Variants in BRD9 observed in about 807,000 individuals in gnomAD.
The protein encoded by BRD9 is bromodomain containing 9, also known as bromodomain-containing protein 9.
Under a neutral mutation model 68.7 loss-of-function variants are expected in BRD9, and 47 were observed. The ratio of observed to expected loss-of-function variants is 0.68; its 90% CI spans 0.54 to 0.87. BRD9 has a LOEUF of 0.87. Among genes scored for constraint, BRD9 ranks in the 40% least tolerant of loss-of-function variants. The probability of loss-of-function intolerance (pLI) is 0.00; values close to 1 mark genes in which losing one functional copy is unlikely to be tolerated. For synonymous variants in BRD9, 313 were observed against 293.9 expected, an observed-to-expected ratio of 1.06 and a Z score of -0.67; for missense variants, 670 against 748.4, an observed-to-expected ratio of 0.90 and a Z score of 1.22.
intron 5 of BRD9, 124 bp from the exon 6 acceptor site, chr5:887,595 C>T: frequency 1.3e-6 from 1 of 747,792 alleles, no homozygotes; most frequent in South Asian, 1.5e-5. Flanking sequence ...TTCAACTGGG[C>T]TCTCTGATCT....
At chr5:891,402 G>T in intron 2 of BRD9, 115 bp from the exon 3 acceptor site, 1 of 1,423,456 alleles carries the variant, frequency 7.0e-7, no homozygotes, top group South Asian at 1.5e-5. Context: ...AACCCCCTCC[G>T]AGATCCTCCT....
At chr5:866,851 CAG>C (rs907507756) in intron 14 of BRD9, among the ~76,000 whole-genome samples, 2 of 152,144 alleles carry the variant, frequency 1.3e-5, no homozygotes, top group African/African-American at 4.8e-5. Flanking sequence ...AAAAGGGAAG[CAG>C]AGAGTAAAAG....
At chr5:892,313 GAGCTCCACACAAA>G in intron 1 of BRD9, 1 of 595,248 alleles carries the variant, frequency 1.7e-6, no homozygotes, top group Non-Finnish European at 2.7e-6. Flanking sequence ...GCTTCTCCCT[GAGCTCCACACAAA>G]AGCCAGCACA....
At chr5:884,921 C>A (rs1359494149) in intron 7 of BRD9, among the ~76,000 whole-genome samples, 2 of 152,238 alleles carry the variant, frequency 1.3e-5, no homozygotes, top group African/African-American at 4.8e-5. Context: ...GGCACGCTCT[C>A]CTGCCTGCAG....
chr5:869,490 C>A, intron 14 of BRD9: 1 of 394,622 alleles, frequency 2.5e-6, no homozygotes, highest in South Asian at 1.9e-5. Context: ...AATCTACATT[C>A]TGTAGAGAAT....
In BRD9 at chr5:892,711, CGG is replaced by C; in HGVS notation, c.-56_-55del. Reference sequence around the variant, plus strand: ...GGGCTGGGAACAGCTGGCACCCGGTCGGACCTTGGCCGCCACCGCCCCCTGGC... The same window carrying C: ...GGGCTGGGAACAGCTGGCACCCGGTCACCTTGGCCGCCACCGCCCCCTGGC... On this transcript the variant is annotated 5_prime_UTR_variant, in exon 1 of 16. Coordinates refer to ENST00000467963, the MANE Select transcript of BRD9 (RefSeq NM_023924.5). The C allele has an allele frequency of 1.5e-6, 2 of 1,303,070 alleles. No homozygotes were observed. The highest frequency in any genetic ancestry group is 2.0e-6 in the Non-Finnish European group (2 of 1,022,240). The allele number at this position is 1,303,070 out of a possible 1,614,324, so 80.7% of individuals were successfully genotyped here. A position where few individuals can be genotyped will look rare whatever the true frequency, so the allele number is the denominator to read the frequency against.
intron 14 of BRD9, chr5:870,139 G>A (rs766995260): frequency 1.2e-5 from 3 of 258,988 alleles, no homozygotes; most frequent in Non-Finnish European, 2.3e-5. Context: ...CAGCAATGAG[G>A]CTCCCTAGGG....
At chr5:892,557 C>G (rs1317574673) in intron 1 of BRD9, 49 bp downstream of exon 1, 3 of 1,529,368 alleles carry the variant, frequency 2.0e-6, no homozygotes, top group Middle Eastern at 1.7e-4. Context: ...ACTCCTCCCC[C>G]GTGCCCGGGA....
intron 14 of BRD9, among the ~76,000 whole-genome samples, chr5:867,348 T>C (rs919704468): frequency 6.6e-6 from 1 of 152,146 alleles, no homozygotes; most frequent in Admixed American, 6.5e-5. Context: ...AGAGGGGAAA[T>C]GTGAGGTTGG....
intron 11 of BRD9, among the ~76,000 whole-genome samples, chr5:876,522 T>C (rs898391690): frequency 6.6e-6 from 1 of 152,234 alleles, no homozygotes; most frequent in South Asian, 2.1e-4. Flanking sequence ...CCACTCGTTA[T>C]GCGTTTAAAA....
chr5:868,457 G>A (rs535924444), intron 14 of BRD9: 1 of 152,390 alleles, frequency 6.6e-6, no homozygotes, highest in African/African-American at 2.4e-5. Flanking sequence ...CAGCGGCCTG[G>A]GGCCAGGGTC....
At chr5:880,732 C>T (rs957619396) in intron 9 of BRD9, among the ~76,000 whole-genome samples, 18 of 152,244 alleles carry the variant, frequency 1.2e-4, no homozygotes, top group African/African-American at 4.3e-4. Context: ...TCTAAGACTG[C>T]TTTCCAGATT....
intron 14 of BRD9, chr5:869,230 C>T (rs936396011): frequency 9.2e-6 from 4 of 435,472 alleles, no homozygotes; most frequent in East Asian, 7.1e-5. Flanking sequence ...TGATGTGAAG[C>T]GGGACTGGAC....
At chr5:889,737 G>T in intron 3 of BRD9, 90 bp from the exon 4 acceptor site, 2 of 1,579,450 alleles carry the variant, frequency 1.3e-6, no homozygotes, top group Non-Finnish European at 1.7e-6. Flanking sequence ...TCTGTCTGGT[G>T]TCTCACAGCA....
chr5:876,061 A>G, intron 12 of BRD9, 40 bp downstream of exon 12: 1 of 1,464,930 alleles, frequency 6.8e-7, no homozygotes, highest in Non-Finnish European at 9.5e-7. Flanking sequence ...CAGCACCCCA[A>G]GGGCACCTGC....
rs149969411 is a variant in BRD9 at position 892,754 on chromosome 5, G to A, written c.-97C>T. On this transcript the variant is annotated 5_prime_UTR_variant, in exon 1 of 16. Transcript: ENST00000467963. Reference sequence around the variant, plus strand: ...GCCCCCTGGCCCTGGCTGGCCGCCCGCGCTCGCTGCGCCGAGGTTGCCGAG... The same window carrying A: ...GCCCCCTGGCCCTGGCTGGCCGCCCACGCTCGCTGCGCCGAGGTTGCCGAG... 6.9e-3 allele frequency: 7,979 copies of A among 1,163,874 alleles called. 347 individuals are homozygous for A. The African/African-American group carries it at 0.1, about 15-fold the overall frequency. The allele number at this position is 1,163,874 out of a possible 1,614,324, so 72.1% of individuals were successfully genotyped here. A position where few individuals can be genotyped will look rare whatever the true frequency, so the allele number is the denominator to read the frequency against.
rs1298581529 is a variant in BRD9, at chr5:883,935, T to C, written c.966+3A>G. 2.5e-6 allele frequency: 4 copies of C among 1,611,160 alleles called. No individual in the cohort carries two copies. The highest frequency in any genetic ancestry group is 3.4e-6 in the Non-Finnish European group (4 of 1,179,882). ...CCCTCTCTCGGTGGCCACAGAGCAC[T>C]ACCTTGCCGCCTGGGAGGAACCGGT... On this transcript the variant is annotated splice_donor_region_variant and intron_variant, in intron 8 of 15. Coordinates refer to ENST00000467963, the MANE Select transcript of BRD9 (RefSeq NM_023924.5).
At chr5:868,731 G>A (rs62330200) in intron 14 of BRD9, 3,097 of 152,636 alleles carry the variant, frequency 0.02, 43 homozygotes, top group Non-Finnish European at 0.028. Context: ...CCTCTGCTGG[G>A]AGTGGATCTG....
intron 8 of BRD9, chr5:882,254 A>G (rs1446178802): frequency 1.9e-5 from 3 of 155,838 alleles, no homozygotes; most frequent in Non-Finnish European, 4.3e-5. Flanking sequence ...CACAACCTCC[A>G]GCACACAAGC....
Sources: gnomAD v4.1 joint callset for allele counts (sites outside exome capture counted in the v4.1 genomes callset) on GRCh38, gnomAD v4.1.1 for gene constraint, MANE v1.5 for transcripts, NCBI Gene and HGNC (gene_info 2026-07-23, HGNC 2026-07-21) for gene names.